Variants in RAP2A observed in about 807,000 individuals in gnomAD.
RAP2A encodes RAP2A, member of RAS oncogene family, also known as ras-related protein Rap-2a.
In RAP2A, 5 loss-of-function variants were observed where a neutral mutation model predicts 15.1. The observed-to-expected ratio is 0.33, with a 90% CI of 0.17 to 0.70. The LOEUF is 0.70. Among genes scored for constraint, RAP2A ranks in the 30% least tolerant of loss-of-function variants. RAP2A has a pLI of 0.68. For missense variants in RAP2A, 111 were observed against 240.3 expected (o/e 0.46, Z 3.56); for synonymous variants, 110 against 99.7 (o/e 1.10, Z -0.62).
intron 1 of RAP2A, among the ~76,000 whole-genome samples, chr13:97,439,991 T>C (rs2066650355): frequency 6.6e-6 from 1 of 152,146 alleles, no homozygotes; most frequent in African/African-American, 2.4e-5. Context: ...TTACCATAAG[T>C]AGCTATTAAA....
At chr13:97,436,349 T>C (rs1034281235) in intron 1 of RAP2A, among the ~76,000 whole-genome samples, 1 of 152,124 alleles carries the variant, frequency 6.6e-6, no homozygotes, top group Non-Finnish European at 1.5e-5. Context: ...AACCACTCAA[T>C]TAAAAAGAAA....
intron 1 of RAP2A, chr13:97,437,327 G>C (rs2066638344): frequency 6.6e-6 from 1 of 152,126 alleles, no homozygotes; most frequent in Non-Finnish European, 1.5e-5. Flanking sequence ...AGCCGTATGT[G>C]GCCACAGGCT....
chr13:97,453,108 A>T (rs1341890872), intron 1 of RAP2A, among the ~76,000 whole-genome samples: 3 of 150,930 alleles, frequency 2.0e-5, no homozygotes, highest in Non-Finnish European at 4.4e-5. Context: ...TTCCTTTTTT[A>T]TACTTAAATA....
intron 1 of RAP2A, among the ~76,000 whole-genome samples, chr13:97,442,624 TA>T (rs1474766909): frequency 1.3e-5 from 2 of 152,160 alleles, no homozygotes; most frequent in African/African-American, 2.4e-5. Context: ...TTTTTCTATT[TA>T]TTTTTTTCTA....
chr13:97,454,372 C>T (rs1355044315), intron 1 of RAP2A, among the ~76,000 whole-genome samples: 2 of 151,116 alleles, frequency 1.3e-5, no homozygotes, highest in Non-Finnish European at 3.0e-5. Flanking sequence ...ATTTTTTCAC[C>T]TGCTTATTTT....
intron 1 of RAP2A, chr13:97,437,449 A>G (rs1404634237): frequency 6.6e-6 from 1 of 152,220 alleles, no homozygotes; most frequent in African/African-American, 2.4e-5. Flanking sequence ...TGCACCTTCC[A>G]GAGTCCTTGT....
At chr13:97,439,379 C>G (rs991139755) in intron 1 of RAP2A, among the ~76,000 whole-genome samples, 1 of 152,062 alleles carries the variant, frequency 6.6e-6, no homozygotes, top group East Asian at 1.9e-4. Context: ...GTGTGAAAAT[C>G]CTGAATTAGC....
chr13:97,464,130 A>T, intron 1 of RAP2A, 75 bp from the exon 2 acceptor site: 4 of 1,446,356 alleles, frequency 2.8e-6, no homozygotes, highest in Non-Finnish European at 3.8e-6. Context: ...GCCCCCAAAA[A>T]CGAAAATACA....
chr13:97,444,180 T>C (rs908765362), intron 1 of RAP2A, among the ~76,000 whole-genome samples: 1 of 152,222 alleles, frequency 6.6e-6, no homozygotes, highest in Non-Finnish European at 1.5e-5. Context: ...ATAGAACTTA[T>C]AGCATAGACC....
intron 1 of RAP2A, among the ~76,000 whole-genome samples, chr13:97,462,916 A>G (rs187335183): frequency 9.2e-5 from 14 of 152,342 alleles, no homozygotes; most frequent in African/African-American, 1.9e-4. Context: ...ATAGCGAACA[A>G]TAACCACCTG....
chr13:97,434,342 G>A lies in RAP2A; in HGVS notation c.-129G>A. ...CGCCGCCGGCGCCCAGGGGGCCGCCGCGGCTGTGAGGTGGGGGCGGCAGCG... is the reference window on the plus strand; with the variant it reads ...CGCCGCCGGCGCCCAGGGGGCCGCCACGGCTGTGAGGTGGGGGCGGCAGCG... On this transcript the variant is annotated 5_prime_UTR_variant, in exon 1 of 2. Coordinates refer to ENST00000245304, the MANE Select transcript of RAP2A (RefSeq NM_021033.7). 1 of 751,372 alleles carries A rather than the reference G, an allele frequency of 1.3e-6. No homozygotes were observed. Among genetic ancestry groups the A allele is most frequent in the Non-Finnish European group, 1.6e-6 (1 of 619,314 alleles). 46.5% of individuals were successfully genotyped at this position (751,372 alleles called of 1,614,324 possible).
At chr13:97,459,346 A>G (rs752843882) in intron 1 of RAP2A, among the ~76,000 whole-genome samples, 2 of 152,210 alleles carry the variant, frequency 1.3e-5, no homozygotes, top group Non-Finnish European at 2.9e-5. Flanking sequence ...AAAATAGAAC[A>G]TGAAAGTAAC....
Position 97,444,167 on chromosome 13 carries a change from G to A in RAP2A, c.314+9383G>A, listed in dbSNP as rs145044164. On this transcript the variant is annotated intron_variant, in intron 1 of 1. Coordinates refer to ENST00000245304, the MANE Select transcript of RAP2A (RefSeq NM_021033.7). ...TGTGTTTTAAGTGCTCTAACACTAC[G>A]TTATAGAACTTATAGCATAGACCTT... Among the ~76,000 whole-genome samples, 1,452 of 152,200 alleles carry A rather than the reference G, an allele frequency of 9.5e-3. 22 individuals are homozygous for A. The highest frequency in any genetic ancestry group is 0.024 in the Middle Eastern group (7 of 294).
chr13:97,444,535 C>T (rs949165266), intron 1 of RAP2A, among the ~76,000 whole-genome samples: 1 of 152,110 alleles, frequency 6.6e-6, no homozygotes, highest in African/African-American at 2.4e-5. Context: ...TCATCACTAT[C>T]AACTAATATC....
intron 1 of RAP2A, among the ~76,000 whole-genome samples, chr13:97,459,696 C>A (rs1290729218): frequency 6.6e-6 from 1 of 152,226 alleles, no homozygotes; most frequent in East Asian, 1.9e-4. Context: ...ACTTTCCCAA[C>A]AAGGCCTGGG....
chr13:97,436,245 TAAGAG>T (rs2066633794), intron 1 of RAP2A: 1 of 152,074 alleles, frequency 6.6e-6, no homozygotes, highest in South Asian at 2.1e-4. Flanking sequence ...TGTTTATAGT[TAAGAG>T]ATGAACAATT....
At chr13:97,450,460 C>CT (rs2066697419) in intron 1 of RAP2A, among the ~76,000 whole-genome samples, 1 of 152,072 alleles carries the variant, frequency 6.6e-6, no homozygotes. Context: ...GAGATGAAAG[C>CT]TGTGTGTTCT....
Position 97,464,787 on chromosome 13 carries a change from CAGA to C in RAP2A, c.*350_*352del, listed in dbSNP as rs1278009410. The C allele has an allele frequency of 4.8e-6, 1 of 208,726 alleles. No homozygotes were observed. Among genetic ancestry groups the C allele is most frequent in the Non-Finnish European group, 9.5e-6 (1 of 104,856 alleles). The allele number at this position is 208,726 out of a possible 1,614,324, so 12.9% of individuals were successfully genotyped here. A position where few individuals can be genotyped will look rare whatever the true frequency, so the allele number is the denominator to read the frequency against. ...TTAAAAATAACCATAAGGGAGAAAC[CAGA>C]AGAATTCCTCTGACCACTTACAATT... On this transcript the variant is annotated 3_prime_UTR_variant, in exon 2 of 2. Transcript: ENST00000245304.
chr13:97,453,731 G>A (rs1041126478), intron 1 of RAP2A, among the ~76,000 whole-genome samples: 3 of 150,800 alleles, frequency 2.0e-5, no homozygotes, highest in African/African-American at 4.9e-5. Flanking sequence ...GCCCAAGGGT[G>A]CAATTTTTCA....
Sources: allele counts gnomAD v4.1 joint callset (sites outside exome capture counted in the v4.1 genomes callset), GRCh38; gene constraint gnomAD v4.1.1; transcripts MANE v1.5; gene names NCBI Gene and HGNC (gene_info 2026-07-23, HGNC 2026-07-21).